The following NAALADL2 variants were observed in gnomAD, a reference collection of about 807,000 sequenced individuals.
NAALADL2 encodes the protein inactive N-acetylated-alpha-linked acidic dipeptidase-like protein 2.
A neutral mutation model predicts 87.2 loss-of-function variants in NAALADL2; 76 were observed. That is an observed-to-expected ratio of 0.87 (90% CI 0.72 to 1.05). The LOEUF is 1.05. Among genes scored for constraint, NAALADL2 ranks in the 50% least tolerant of loss-of-function variants. The pLI is 0.00. For synonymous variants in NAALADL2, 354 were observed against 331.0 expected, an observed-to-expected ratio of 1.07 and a Z score of -0.75; for missense variants, 1,089 against 945.8, an observed-to-expected ratio of 1.15 and a Z score of -1.99.
In NAALADL2 at chr3:175,755,402, C is replaced by A. The variant is rs1342621720; in HGVS notation, c.2173C>A (p.Pro725Thr). The stretch of plus-strand genomic sequence containing the variant: ...GAAAAGCTTTCTGGTAAAGCAGGCA[C>A]CACCAGGTTTTTATAGGTAGGATGC... The part of the protein sequence containing the change: ...MEKSFLVKQA[P>T]PGFYRNILYH... Residue 725 changes from proline (P) to threonine (T), a missense_variant, in exon 13 of 14, where the codon CCA (proline) becomes ACA (threonine). By Grantham distance (38) the Pro-to-Thr change is conservative. Transcript: ENST00000454872. 1 of 1,597,488 alleles carries A rather than the reference C, an allele frequency of 6.3e-7. No homozygotes were observed. Among genetic ancestry groups the A allele is most frequent in the African/African-American group, 1.3e-5 (1 of 74,610 alleles).
chr3:175,555,227 C>A (rs1715063200), intron 9 of NAALADL2, among the ~76,000 whole-genome samples: 1 of 152,160 alleles, frequency 6.6e-6, no homozygotes, highest in South Asian at 2.1e-4. Context: ...GAAGCCCACA[C>A]TTAATTGACA....
chr3:175,519,582 T>C (rs538529439), intron 9 of NAALADL2, among the ~76,000 whole-genome samples: 5 of 152,258 alleles, frequency 3.3e-5, no homozygotes, highest in African/African-American at 1.2e-4. Context: ...AGTTAATAAA[T>C]AGAAACATTA....
At chr3:175,480,836 A>C (rs1726347885) in intron 9 of NAALADL2, among the ~76,000 whole-genome samples, 1 of 151,934 alleles carries the variant, frequency 6.6e-6, no homozygotes, top group African/African-American at 2.4e-5. Flanking sequence ...CCTAGAATTT[A>C]AATAAAAGAA....
At chr3:174,884,683 C>A (rs1444810522) in intron 1 of NAALADL2, among the ~76,000 whole-genome samples, 1 of 152,156 alleles carries the variant, frequency 6.6e-6, no homozygotes, top group Admixed American at 6.5e-5. Flanking sequence ...TCCATCAATT[C>A]AGCCTAATCC....
chr3:175,495,094 T>TATATATATATATATA (rs1167550415), intron 9 of NAALADL2, among the ~76,000 whole-genome samples: 95 of 133,264 alleles, frequency 7.1e-4, no homozygotes, highest in African/African-American at 2.2e-3. Context: ...ATATATATAT[T>TATATATATATATATA]TTTTTTTAAT....
At chr3:175,107,521 CACACACACACACAA>C (rs1206662438) in intron 2 of NAALADL2, among the ~76,000 whole-genome samples, 1 of 151,608 alleles carries the variant, frequency 6.6e-6, no homozygotes, top group East Asian at 1.9e-4. Flanking sequence ...TACACACACA[CACACACACACACAA>C]ACACACACAC....
At chr3:174,445,759 G>T (rs1715010675) in intron 1 of NAALADL2, among the ~76,000 whole-genome samples, 1 of 152,052 alleles carries the variant, frequency 6.6e-6, no homozygotes, top group South Asian at 2.1e-4. Context: ...TTATGTTTGT[G>T]TGTTTTCTAT....
At chr3:175,126,675 T>C (rs964957202) in intron 2 of NAALADL2, among the ~76,000 whole-genome samples, 13 of 152,118 alleles carry the variant, frequency 8.5e-5, no homozygotes, top group Admixed American at 5.2e-4. Context: ...TCCACTGTTA[T>C]GCTGAGCAAT....
At chr3:174,564,683 C>A (rs1266307297) in intron 2 of NAALADL2, among the ~76,000 whole-genome samples, 1 of 151,970 alleles carries the variant, frequency 6.6e-6, no homozygotes. Context: ...TTAAATTATG[C>A]ACATACAATT....
At chr3:174,793,079 CA>C (rs1473970348) in intron 3 of NAALADL2, among the ~76,000 whole-genome samples, 3 of 151,962 alleles carry the variant, frequency 2.0e-5, no homozygotes, top group African/African-American at 7.2e-5. Context: ...AAGGTGTTGG[CA>C]AAGATAACAA....
chr3:175,456,136 G>C (rs531668973), intron 6 of NAALADL2, among the ~76,000 whole-genome samples: 1 of 151,936 alleles, frequency 6.6e-6, no homozygotes, highest in African/African-American at 2.4e-5. Flanking sequence ...TAGTTATCAC[G>C]GAAGAAGAAG....
chr3:174,533,222 C>T (rs764246354), intron 1 of NAALADL2, among the ~76,000 whole-genome samples: 2 of 151,616 alleles, frequency 1.3e-5, no homozygotes, highest in Admixed American at 6.6e-5. Flanking sequence ...CTCTCGTGCC[C>T]CCTTGTTCAG....
chr3:175,069,319 AAAAC>A (rs1319271372), intron 1 of NAALADL2, among the ~76,000 whole-genome samples: 4 of 150,036 alleles, frequency 2.7e-5, no homozygotes, highest in Non-Finnish European at 5.9e-5. Context: ...TTACAAGAAA[AAAAC>A]AAACAACCCC....
intron 1 of NAALADL2, among the ~76,000 whole-genome samples, chr3:175,021,011 A>G (rs1217744526): frequency 1.3e-5 from 2 of 152,080 alleles, no homozygotes; most frequent in Non-Finnish European, 2.9e-5. Context: ...TACAGAACAT[A>G]AAACATGACA....
intron 3 of NAALADL2, among the ~76,000 whole-genome samples, chr3:174,828,267 G>A (rs1021568995): frequency 1.3e-5 from 2 of 152,192 alleles, no homozygotes; most frequent in African/African-American, 4.8e-5. Context: ...TACAAAGAAA[G>A]CTGCTCTTCA....
At chr3:174,927,908 A>G (rs527833508) in intron 1 of NAALADL2, among the ~76,000 whole-genome samples, 33 of 152,246 alleles carry the variant, frequency 2.2e-4, no homozygotes, top group Non-Finnish European at 2.8e-4. Context: ...CAAAAAATCA[A>G]TGAATCCAGG....
intron 2 of NAALADL2, among the ~76,000 whole-genome samples, chr3:174,683,267 G>A (rs901022366): frequency 2.0e-5 from 3 of 152,030 alleles, no homozygotes; most frequent in Non-Finnish European, 4.4e-5. Flanking sequence ...GATCTAGAAA[G>A]TAGCCTCAAA....
At chr3:174,847,458 A>T (rs1342762769) in intron 3 of NAALADL2, among the ~76,000 whole-genome samples, 1 of 152,196 alleles carries the variant, frequency 6.6e-6, no homozygotes, top group Non-Finnish European at 1.5e-5. Flanking sequence ...ATTATAATCA[A>T]GAAATAAACT....
At chr3:174,765,935 G>GCTTGAGTGATACTGTTGCCT (rs1713753958) in intron 3 of NAALADL2, among the ~76,000 whole-genome samples, 1 of 151,886 alleles carries the variant, frequency 6.6e-6, no homozygotes, top group Non-Finnish European at 1.5e-5. Context: ...GACTGTTGCC[G>GCTTGAGTGATACTGTTGCCT]GCTTGAGTGA....
Sources: allele counts gnomAD v4.1 joint callset (sites outside exome capture counted in the v4.1 genomes callset), GRCh38; gene constraint gnomAD v4.1.1; transcripts MANE v1.5; gene names NCBI Gene and HGNC (gene_info 2026-07-23, HGNC 2026-07-21).